Variants in MSH3 observed in about 807,000 individuals in gnomAD.
MSH3 encodes the protein mutS homolog 3.
In MSH3, 106 loss-of-function variants were observed where a neutral mutation model predicts 123.3. The observed-to-expected ratio is 0.86, with a 90% CI of 0.73 to 1.01. The LOEUF is 1.01. Ranked by LOEUF, MSH3 falls within the 50% of genes least tolerant of loss-of-function variation. The pLI is 0.00. For synonymous variants in MSH3, 515 were observed against 481.4 expected (o/e 1.07, Z -0.91); for missense variants, 1,459 against 1,347.6 (o/e 1.08, Z -1.29).
intron 12 of MSH3, among the ~76,000 whole-genome samples, chr5:80,754,284 T>A (rs26783): frequency 0.34 from 51,084 of 151,208 alleles, 9,055 homozygotes; most frequent in South Asian, 0.43. Context: ...AATATGAATT[T>A]TATATATATA....
intron 18 of MSH3, among the ~76,000 whole-genome samples, chr5:80,792,412 TAA>T (rs1231031111): frequency 1.5e-5 from 2 of 137,354 alleles, no homozygotes; most frequent in Non-Finnish European, 1.6e-5. Context: ...CCCTATCTCT[TAA>T]AAAAAAAAAA....
chr5:80,677,907 C>G (rs1167247765), intron 7 of MSH3, among the ~76,000 whole-genome samples: 1 of 152,112 alleles, frequency 6.6e-6, no homozygotes. Context: ...TGCATTCTTT[C>G]TAGTTTACAG....
chr5:80,754,043 ATG>A (rs1743882532), intron 12 of MSH3, among the ~76,000 whole-genome samples: 1 of 152,166 alleles, frequency 6.6e-6, no homozygotes, highest in African/African-American at 2.4e-5. Flanking sequence ...GTTGCCAGAG[ATG>A]GTTTTTGTTG....
At chr5:80,846,449 A>G (rs1745722899) in intron 20 of MSH3, among the ~76,000 whole-genome samples, 1 of 152,222 alleles carries the variant, frequency 6.6e-6, no homozygotes, top group East Asian at 1.9e-4. Context: ...GTTGTCAGAC[A>G]GGGACGTTTA....
At chr5:80,754,279 G>C (rs1200383751) in intron 12 of MSH3, among the ~76,000 whole-genome samples, 1 of 151,604 alleles carries the variant, frequency 6.6e-6, no homozygotes, top group Non-Finnish European at 1.5e-5. Flanking sequence ...AAGCAAATAT[G>C]AATTTTATAT....
At chr5:80,674,943 A>G in intron 6 of MSH3, 40 bp from the exon 7 acceptor site, 1 of 1,429,284 alleles carries the variant, frequency 7.0e-7, no homozygotes, top group South Asian at 1.2e-5. Context: ...ATTAGGATTT[A>G]GAATTTAGCA....
chr5:80,864,685 A>C lies in MSH3; in HGVS notation c.3001-128A>C. ...TTATCTAGGTAAACAGTATATAATA[A>C]TTGGTCGTTGTACTTTTCTTGTGAC... On this transcript the variant is annotated intron_variant, in intron 21 of 23. Transcript: ENST00000265081. 9 of 769,044 alleles carry C rather than the reference A, an allele frequency of 1.2e-5. No homozygotes were observed. The South Asian group carries it at 1.2e-4, about 10-fold the overall frequency. 47.6% of individuals were successfully genotyped at this position (769,044 alleles called of 1,614,324 possible). A position where few individuals can be genotyped will look rare whatever the true frequency, so the allele number is the denominator to read the frequency against.
chr5:80,721,375 C>T (rs1173822206), intron 8 of MSH3, among the ~76,000 whole-genome samples: 3 of 152,114 alleles, frequency 2.0e-5, no homozygotes, highest in Admixed American at 6.5e-5. Flanking sequence ...TTCATAGGGC[C>T]TAGAGTTCTC....
chr5:80,847,234 A>G lies in MSH3; in HGVS notation c.2814-6896A>G, dbSNP rs534239603. Among the ~76,000 whole-genome samples, 126 of 151,900 alleles carry G rather than the reference A, an allele frequency of 8.3e-4. 1 individual carries two copies. Among genetic ancestry groups the G allele is most frequent in the African/African-American group, 2.8e-3 (118 of 41,452 alleles). On this transcript the variant is annotated intron_variant, in intron 20 of 23. Transcript: ENST00000265081. ...ACCACTACCCTTGCATAATTTCTGT[A>G]TTTTTAGTAGATATGTGGTTTTGCC...
At chr5:80,819,444 A>ATGTG (rs1160637674) in intron 20 of MSH3, among the ~76,000 whole-genome samples, 11 of 47,030 alleles carry the variant, frequency 2.3e-4, no homozygotes, top group South Asian at 8.9e-4. Flanking sequence ...ATATATATGT[A>ATGTG]TATGTGTGTG....
At chr5:80,759,789 TA>T (rs2112878648) in intron 12 of MSH3, among the ~76,000 whole-genome samples, 1 of 152,242 alleles carries the variant, frequency 6.6e-6, no homozygotes, top group South Asian at 2.1e-4. Flanking sequence ...GTAGTGGCTG[TA>T]GAGGTGGAGA....
chr5:80,792,854 T>C lies in MSH3; in HGVS notation c.2655+10T>C, dbSNP rs1316782312. 2.0e-6 allele frequency: 3 copies of C among 1,531,134 alleles called. No homozygotes were observed. In the African/African-American group the frequency reaches 4.1e-5, roughly 21 times the overall value. The allele number at this position is 1,531,134 out of a possible 1,614,324, so 94.8% of individuals were successfully genotyped here. On this transcript the variant is annotated intron_variant, in intron 19 of 23. Transcript: ENST00000265081. ...TAATACAGATTTATCAGTAAGTACC[T>C]TATGCCAAAAAATAAGTCGATGATA...
chr5:80,697,905 A>G (rs955363277), intron 8 of MSH3, among the ~76,000 whole-genome samples: 5 of 152,110 alleles, frequency 3.3e-5, no homozygotes, highest in African/African-American at 9.7e-5. Context: ...TATCAAACAA[A>G]TCGATGTTAT....
Position 80,678,903 on chromosome 5 carries a change from C to T in MSH3, c.1174-24C>T, listed in dbSNP as rs1749901114. ...CTGGGGAAATACATTTTTTCTGTAA[C>T]ATTATATTTGTATTTGTTTTTAGGG... On this transcript the variant is annotated intron_variant, in intron 7 of 23. Transcript: ENST00000265081. The T allele has an allele frequency of 1.9e-6, 3 of 1,613,596 alleles. No homozygotes were observed. In the South Asian group the frequency reaches 3.3e-5, roughly 18 times the overall value.
chr5:80,864,682 ATAAT>A, intron 21 of MSH3, 127 bp from the exon 22 acceptor site: 1 of 753,992 alleles, frequency 1.3e-6, no homozygotes, highest in South Asian at 1.7e-5. Context: ...ACAGTATATA[ATAAT>A]TGGTCGTTGT....
At position 80,673,319 on chromosome 5, in the gene MSH3, A is replaced by G. The variant is rs1456447364; in HGVS notation, c.1027+461A>G. Among the ~76,000 whole-genome samples, 7 of 152,160 alleles carry G rather than the reference A, an allele frequency of 4.6e-5. No individual in the cohort carries two copies. The East Asian group carries it at 1.2e-3, about 25-fold the overall frequency. Reference sequence around the variant, plus strand: ...TGAAGTGGGCAGATTGCTTGAGCCCAGGAGTTTGAGACCAGCCTGGACAAC... The same window carrying G: ...TGAAGTGGGCAGATTGCTTGAGCCCGGGAGTTTGAGACCAGCCTGGACAAC... On this transcript the variant is annotated intron_variant, in intron 6 of 23. Coordinates refer to ENST00000265081, the MANE Select transcript of MSH3 (RefSeq NM_002439.5).
chr5:80,728,561 G>T (rs1463637152), intron 9 of MSH3, among the ~76,000 whole-genome samples: 2 of 151,972 alleles, frequency 1.3e-5, no homozygotes, highest in Non-Finnish European at 2.9e-5. Flanking sequence ...CTAGACAAAG[G>T]GGATGGGCAT....
At chr5:80,803,347 A>G (rs1378546190) in intron 19 of MSH3, among the ~76,000 whole-genome samples, 8 of 151,980 alleles carry the variant, frequency 5.3e-5, no homozygotes, top group Non-Finnish European at 1.0e-4. Flanking sequence ...GCACCTGTTC[A>G]TATGCCTGTT....
At chr5:80,821,108 A>G (rs1053072797) in intron 20 of MSH3, among the ~76,000 whole-genome samples, 1 of 152,232 alleles carries the variant, frequency 6.6e-6, no homozygotes, top group Non-Finnish European at 1.5e-5. Flanking sequence ...AGTACCTGAC[A>G]TATAGTAGTT....
Sources: allele counts gnomAD v4.1 joint callset (sites outside exome capture counted in the v4.1 genomes callset), GRCh38; gene constraint gnomAD v4.1.1; transcripts MANE v1.5; gene names NCBI Gene and HGNC (gene_info 2026-07-23, HGNC 2026-07-21).